ENPP2: variants seen among roughly 807,000 people sequenced by gnomAD.
ENPP2 encodes ectonucleotide pyrophosphatase/phosphodiesterase 2.
In ENPP2, 51 loss-of-function variants were observed where a neutral mutation model predicts 120.2. The ratio of observed to expected loss-of-function variants is 0.42; its 90% CI spans 0.34 to 0.54. The LOEUF (loss-of-function observed/expected upper bound fraction) is 0.54. ENPP2 is among the 20% of genes least tolerant of loss of function. The pLI, the probability that ENPP2 is intolerant of heterozygous loss-of-function variation, is 0.04. For missense variants in ENPP2, 920 were observed against 1,066.5 expected (o/e 0.86, Z 1.91); for synonymous variants, 365 against 366.4 (o/e 1.00, Z 0.04).
At chr8:119,669,756 T>C (rs1259817277) in intron 1 of ENPP2, among the ~76,000 whole-genome samples, 1 of 151,854 alleles carries the variant, frequency 6.6e-6, no homozygotes, top group Non-Finnish European at 1.5e-5. Flanking sequence ...CTGAGAAGAG[T>C]AGTGTGTATC....
chr8:119,656,098 C>T (rs1388276481), intron 1 of ENPP2, among the ~76,000 whole-genome samples: 1 of 152,142 alleles, frequency 6.6e-6, no homozygotes, highest in Non-Finnish European at 1.5e-5. Flanking sequence ...AAGTTTGGGG[C>T]TGGGTAAATC....
In ENPP2 at chr8:119,604,948, T is replaced by C. The variant is rs140221472; in HGVS notation, c.833+2974A>G. Among the ~76,000 whole-genome samples, 1,034 of 152,008 alleles carry C rather than the reference T, an allele frequency of 6.8e-3. 14 individuals carry two copies. The highest frequency in any genetic ancestry group is 0.024 in the African/African-American group (1,001 of 41,454). On this transcript the variant is annotated intron_variant, in intron 9 of 24. Transcript: ENST00000075322. The stretch of plus-strand genomic sequence containing the variant: ...ACCACCACGCCTGGCTAATTTTTTG[T>C]ATTTTTAGTAGAGAGGGGGTTTCAC...
intron 8 of ENPP2, among the ~76,000 whole-genome samples, chr8:119,609,112 A>G (rs1292676187): frequency 2.0e-5 from 3 of 152,238 alleles, no homozygotes; most frequent in South Asian, 2.1e-4. Context: ...GTATCCTTAA[A>G]GAGTGACAAC....
chr8:119,624,844 A>C (rs1816162406), intron 3 of ENPP2, among the ~76,000 whole-genome samples: 1 of 152,242 alleles, frequency 6.6e-6, no homozygotes, highest in South Asian at 2.1e-4. Context: ...GTTTCTCGGC[A>C]GTGCTCCCTC....
At position 119,582,532 on chromosome 8, in the gene ENPP2, A is replaced by G. The variant is rs111319250; in HGVS notation, c.1614T>C (p.Asn538=). 9.5e-5 allele frequency: 153 copies of G among 1,613,006 alleles called. 2 individuals are homozygous for G. The highest frequency in any genetic ancestry group is 3.0e-5 in the Non-Finnish European group (35 of 1,178,932). Residue 538 remains asparagine, a synonymous_variant, in exon 18 of 25, where the codon AAT becomes AAC. Transcript: ENST00000075322. ...HGSLNHLLRT[N]TFRPTMPEEV... ...CCTCTGGCATGGTTGGCCTGAAGGT[A>G]TTAGTGCGCAGGAGATGATTCAAAC...
At position 119,569,257 on chromosome 8, in the gene ENPP2, G is replaced by C. The variant is rs1403130661; in HGVS notation, c.2031C>G (p.Ser677=). The C allele has an allele frequency of 1.4e-5, 23 of 1,613,910 alleles. No homozygotes were observed. The highest frequency in any genetic ancestry group is 1.9e-5 in the Non-Finnish European group (23 of 1,179,938). Residue 677 remains serine, a synonymous_variant, in exon 21 of 25, where the codon TCC becomes TCG. Transcript: ENST00000075322. ...CLAYKNDKQM[S]YGFLFPPYLS... ...TACAAGGAGGAAAGAGGAATCCGTA[G>C]GACATCTGCTTATCATTTTTGTAGG...
At chr8:119,624,619 T>C (rs1335627119) in intron 3 of ENPP2, among the ~76,000 whole-genome samples, 2 of 152,178 alleles carry the variant, frequency 1.3e-5, no homozygotes. Context: ...CAGGGAAATA[T>C]TCATTTAATT....
At chr8:119,640,057 C>T (rs1030691496), upstream of ENPP2, among the ~76,000 whole-genome samples, 42 of 152,250 alleles carry the variant, frequency 2.8e-4, no homozygotes, top group African/African-American at 9.6e-4. Context: ...TCAAATAAAA[C>T]ATGATAGCAC....
At chr8:119,669,661 C>T (rs1818182784) in intron 1 of ENPP2, among the ~76,000 whole-genome samples, 1 of 152,190 alleles carries the variant, frequency 6.6e-6, no homozygotes, top group South Asian at 2.1e-4. Flanking sequence ...TTCATTACAA[C>T]TCAAAGGAGT....
chr8:119,596,041 T>C, intron 11 of ENPP2: 1 of 1,592,432 alleles, frequency 6.3e-7, no homozygotes. Context: ...TCAGAAGTCG[T>C]CTGTCCCTCT....
intron 21 of ENPP2, among the ~76,000 whole-genome samples, 176 bp from the exon 22 acceptor site, chr8:119,568,428 C>T (rs564835695): frequency 6.6e-6 from 1 of 152,192 alleles, no homozygotes; most frequent in African/African-American, 2.4e-5. Context: ...ACTCCCCTCC[C>T]ACTCAGTCTC....
At chr8:119,629,967 A>T (rs139810032) in intron 2 of ENPP2, among the ~76,000 whole-genome samples, 5 of 152,334 alleles carry the variant, frequency 3.3e-5, no homozygotes, top group Middle Eastern at 3.4e-3. Context: ...TAAATAAATA[A>T]GCTTAGCTAT....
At chr8:119,620,094 T>A (rs16892878) in intron 4 of ENPP2, among the ~76,000 whole-genome samples, 4,023 of 152,246 alleles carry the variant, frequency 0.026, 171 homozygotes, top group African/African-American at 0.091. Context: ...TACTGGACAA[T>A]GGGGTAACTA....
chr8:119,592,430 A>C (rs534674172), intron 12 of ENPP2, among the ~76,000 whole-genome samples: 1 of 140,404 alleles, frequency 7.1e-6, no homozygotes, highest in East Asian at 2.1e-4. Context: ...CCAAGATTGC[A>C]CCATTGCATT....
chr8:119,631,906 C>A (rs901706646), intron 2 of ENPP2, among the ~76,000 whole-genome samples: 5 of 152,180 alleles, frequency 3.3e-5, no homozygotes, highest in Admixed American at 2.6e-4. Context: ...CTTCTCCCTA[C>A]ACCCAGCCTA....
chr8:119,631,311 G>A (rs1272128906), intron 2 of ENPP2, among the ~76,000 whole-genome samples: 2 of 141,518 alleles, frequency 1.4e-5, no homozygotes, highest in Non-Finnish European at 3.0e-5. Context: ...CTGTCTTCTG[G>A]GTTCACACCA....
rs150704752 is a variant in ENPP2 at position 119,656,396 on chromosome 8, C to G, written c.21+16856G>C. On this transcript the variant is annotated intron_variant, in intron 1 of 25. Coordinates refer to the ENPP2 transcript ENST00000427067. ...GGGAGCGATCTCTCTGTATTCGTTC[C>G]TCTCACGGCACCCACCACATTCTAA... 1.3e-4 allele frequency among the ~76,000 whole-genome samples: 20 copies of G among 152,264 alleles called. No homozygotes were observed. In the East Asian group the frequency reaches 3.9e-3, roughly 29 times the overall value.
At chr8:119,660,527 T>C (rs890325011) in intron 1 of ENPP2, among the ~76,000 whole-genome samples, 19 of 152,212 alleles carry the variant, frequency 1.2e-4, no homozygotes, top group Non-Finnish European at 2.5e-4. Context: ...TTTATCAATT[T>C]AGGACAAAGG....
chr8:119,610,819 C>G (rs1815051633), intron 8 of ENPP2, among the ~76,000 whole-genome samples: 1 of 151,650 alleles, frequency 6.6e-6, no homozygotes, highest in African/African-American at 2.4e-5. Flanking sequence ...AGGAGAATCG[C>G]TTAAACCCAG....
Sources: gnomAD v4.1 joint callset for allele counts (sites outside exome capture counted in the v4.1 genomes callset) on GRCh38, gnomAD v4.1.1 for gene constraint, MANE v1.5 for transcripts, NCBI Gene and HGNC (gene_info 2026-07-23, HGNC 2026-07-21) for gene names.